Variants in SYNE1 observed in about 807,000 individuals in gnomAD.
SYNE1 encodes the protein spectrin repeat containing nuclear envelope protein 1, also known as nesprin-1.
A neutral mutation model predicts 1,111.0 loss-of-function variants in SYNE1; 616 were observed. The observed-to-expected ratio is 0.55, with a 90% confidence interval of 0.52 to 0.59. The LOEUF (loss-of-function observed/expected upper bound fraction) is 0.59, where lower values mean the gene tolerates loss of function less well. Among genes scored for constraint, SYNE1 ranks in the 20% least tolerant of loss-of-function variants. The pLI is 0.00. For missense variants in SYNE1, 10,006 were observed against 10,417.0 expected (o/e 0.96, Z 1.72); for synonymous variants, 3,855 against 3,825.8 (o/e 1.01, Z -0.28).
chr6:152,498,908 C>A, intron 10 of SYNE1, 116 bp from the exon 11 acceptor site: 1 of 520,030 alleles, frequency 1.9e-6, no homozygotes, highest in South Asian at 4.9e-5. Context: ...AATAGGCAAT[C>A]ATTTCAAGGG....
At chr6:152,590,925 T>C (rs2099558514) in intron 3 of SYNE1, among the ~76,000 whole-genome samples, 2 of 152,228 alleles carry the variant, frequency 1.3e-5, no homozygotes, top group Admixed American at 1.3e-4. Context: ...CTGTGAAAAA[T>C]GTCATTGGTA....
At chr6:152,379,765 C>T (rs1182780732) in intron 56 of SYNE1, among the ~76,000 whole-genome samples, 1 of 152,214 alleles carries the variant, frequency 6.6e-6, no homozygotes, top group African/African-American at 2.4e-5. Flanking sequence ...ATATTTACTA[C>T]TGCATTCTCA....
At position 152,300,633 on chromosome 6, in the gene SYNE1, G is replaced by T; in HGVS notation, c.17682+8C>A. On this transcript the variant is annotated splice_region_variant and intron_variant, in intron 93 of 145. Transcript: ENST00000367255. ...ATTATTGCTAGAGGAATGCCAACTG[G>T]GAGGTACCTGGTTAACAGAAGCATC... 1.2e-6 allele frequency: 2 copies of T among 1,614,174 alleles called. No homozygotes were observed. Among genetic ancestry groups the T allele is most frequent in the Non-Finnish European group, 1.7e-6 (2 of 1,180,038 alleles).
intron 96 of SYNE1, among the ~76,000 whole-genome samples, chr6:152,282,406 A>G (rs2153726427): frequency 6.6e-6 from 1 of 152,346 alleles, no homozygotes; most frequent in South Asian, 2.1e-4. Context: ...CGGCCTGTCT[A>G]AAACAGCAGC....
chr6:152,457,256 C>T (rs34095196), intron 22 of SYNE1, among the ~76,000 whole-genome samples: 2 of 152,148 alleles, frequency 1.3e-5, no homozygotes, highest in Non-Finnish European at 2.9e-5. Context: ...ATAAGCTTTA[C>T]ACTCAGGTAT....
At chr6:152,385,108 T>G (rs190929105) in intron 55 of SYNE1, among the ~76,000 whole-genome samples, 4 of 152,226 alleles carry the variant, frequency 2.6e-5, no homozygotes, top group African/African-American at 4.8e-5. Flanking sequence ...TGGGGGAAAA[T>G]GATTACAATT....
At chr6:152,135,058 A>G (rs1445453120) in intron 142 of SYNE1, 46 bp downstream of exon 142, 1 of 1,613,750 alleles carries the variant, frequency 6.2e-7, no homozygotes, top group African/African-American at 1.3e-5. Flanking sequence ...ATGAAATGCA[A>G]CCCTGCTAAA....
At chr6:152,299,925 G>T (rs1259604262) in intron 93 of SYNE1, among the ~76,000 whole-genome samples, 1 of 151,802 alleles carries the variant, frequency 6.6e-6, no homozygotes, top group Non-Finnish European at 1.5e-5. Context: ...TACTTAACAT[G>T]CATTAAAAGT....
At chr6:152,183,923 T>C (rs527259525) in intron 128 of SYNE1, among the ~76,000 whole-genome samples, 2 of 145,068 alleles carry the variant, frequency 1.4e-5, no homozygotes, top group Non-Finnish European at 3.1e-5. Context: ...GCAGCTGATA[T>C]TCAAAAATAG....
intron 56 of SYNE1, among the ~76,000 whole-genome samples, chr6:152,377,626 AAAAAAAAAAAAAAAATATATATAT>A (rs1314392587): frequency 9.3e-5 from 10 of 107,684 alleles, no homozygotes; most frequent in African/African-American, 3.8e-4. Flanking sequence ...AAAAAAAAAA[AAAAAAAAAAAAAAAATATATATAT>A]ATATATATAT....
At chr6:152,537,596 A>AT (rs35343318) in intron 4 of SYNE1, among the ~76,000 whole-genome samples, 39,810 of 152,028 alleles carry the variant, frequency 0.26, 6,308 homozygotes, top group East Asian at 0.45. Flanking sequence ...TCAGTAAAAG[A>AT]TTTTTTATTT....
intron 4 of SYNE1, among the ~76,000 whole-genome samples, chr6:152,537,874 C>T (rs1299439742): frequency 2.0e-5 from 3 of 152,274 alleles, no homozygotes; most frequent in East Asian, 3.9e-4. Flanking sequence ...CTAAACATCC[C>T]AGCTCTTAAA....
At chr6:152,470,344 G>C (rs1288857004) in intron 16 of SYNE1, among the ~76,000 whole-genome samples, 1 of 152,084 alleles carries the variant, frequency 6.6e-6, no homozygotes, top group African/African-American at 2.4e-5. Context: ...AATAACTACT[G>C]GGCTGAGAGG....
chr6:152,168,707 G>A (rs1243405536), intron 130 of SYNE1, among the ~76,000 whole-genome samples: 1 of 152,164 alleles, frequency 6.6e-6, no homozygotes, highest in Admixed American at 6.5e-5. Flanking sequence ...ATGCCAGCTC[G>A]GTAGTGTATG....
intron 3 of SYNE1, among the ~76,000 whole-genome samples, chr6:152,613,523 T>C (rs1396123775): frequency 6.6e-6 from 1 of 152,176 alleles, no homozygotes; most frequent in Non-Finnish European, 1.5e-5. Context: ...TGGAAGAACA[T>C]TCCATGCTCA....
intron 131 of SYNE1, 145 bp downstream of exon 131, chr6:152,164,018 A>G: frequency 9.1e-7 from 1 of 1,102,542 alleles, no homozygotes; most frequent in South Asian, 1.3e-5. Flanking sequence ...TCGCCTGCCT[A>G]GGCAAAGCCC....
intron 139 of SYNE1, among the ~76,000 whole-genome samples, chr6:152,140,877 C>CA (rs1274653898): frequency 3.3e-5 from 5 of 151,350 alleles, no homozygotes; most frequent in African/African-American, 7.3e-5. Context: ...ACTAAAAATA[C>CA]AAAAAAATTT....
rs76732797 is a variant in SYNE1 at position 152,384,154 on chromosome 6, C to T, written c.8652+1520G>A. Among the ~76,000 whole-genome samples, 990 of 152,216 alleles carry T rather than the reference C, an allele frequency of 6.5e-3. 9 individuals carry two copies. Among genetic ancestry groups the T allele is most frequent in the African/African-American group, 0.023 (946 of 41,536 alleles). On this transcript the variant is annotated intron_variant, in intron 55 of 145. Coordinates refer to ENST00000367255, the MANE Select transcript of SYNE1 (RefSeq NM_182961.4). ...TATTTTCATGTATGTATTTTTTAAC[C>T]AATTGAGAGGTGGAGGCTTGAGGAC... is the stretch of plus-strand genomic sequence containing the variant.
chr6:152,429,389 G>T (rs1030334673), intron 36 of SYNE1, among the ~76,000 whole-genome samples: 1 of 151,868 alleles, frequency 6.6e-6, no homozygotes, highest in South Asian at 2.1e-4. Context: ...CTCATTTTTT[G>T]TATTAAGAAA....
Sources: gnomAD v4.1 joint callset for allele counts (sites outside exome capture counted in the v4.1 genomes callset) on GRCh38, gnomAD v4.1.1 for gene constraint, MANE v1.5 for transcripts, NCBI Gene and HGNC (gene_info 2026-07-23, HGNC 2026-07-21) for gene names.